CTNNA3: variants seen among roughly 807,000 people sequenced by gnomAD.
CTNNA3 encodes catenin alpha 3, also known as catenin alpha-3.
Under a neutral mutation model 95.7 loss-of-function variants are expected in CTNNA3, and 76 were observed. The ratio of observed to expected loss-of-function variants is 0.79; its 90% CI spans 0.66 to 0.96. The LOEUF (loss-of-function observed/expected upper bound fraction) is 0.96, where lower values mean the gene tolerates loss of function less well. Among genes scored for constraint, CTNNA3 ranks in the 40% least tolerant of loss-of-function variants. The probability of loss-of-function intolerance (pLI) is 0.00; values close to 1 mark genes in which losing one functional copy is unlikely to be tolerated. For missense variants in CTNNA3, 1,191 were observed against 1,089.8 expected, an observed-to-expected ratio of 1.09 and a Z score of -1.31; for synonymous variants, 431 against 374.4, an observed-to-expected ratio of 1.15 and a Z score of -1.74.
intron 11 of CTNNA3, among the ~76,000 whole-genome samples, chr10:66,382,246 A>G (rs570392225): frequency 6.6e-6 from 1 of 152,278 alleles, no homozygotes; most frequent in Non-Finnish European, 1.5e-5. Flanking sequence ...GCTTTTCCCA[A>G]GGTTTTAGCA....
At chr10:67,475,338 G>T (rs1407519818) in intron 5 of CTNNA3, among the ~76,000 whole-genome samples, 2 of 152,132 alleles carry the variant, frequency 1.3e-5, no homozygotes, top group Non-Finnish European at 2.9e-5. Context: ...TTATTGTGGT[G>T]GTAGATACAC....
intron 9 of CTNNA3, among the ~76,000 whole-genome samples, chr10:66,688,798 G>A (rs374105051): frequency 4.0e-5 from 6 of 149,358 alleles, no homozygotes; most frequent in Non-Finnish European, 5.9e-5. Context: ...GGTGAAACCC[G>A]TCTCTACTAA....
At chr10:66,232,704 A>T (rs1035789067) in intron 13 of CTNNA3, among the ~76,000 whole-genome samples, 1 of 152,236 alleles carries the variant, frequency 6.6e-6, no homozygotes, top group Non-Finnish European at 1.5e-5. Flanking sequence ...ATCCAGGAGC[A>T]GAAATAGTGT....
chr10:66,704,789 T>A (rs528307177), intron 9 of CTNNA3, among the ~76,000 whole-genome samples: 64 of 152,300 alleles, frequency 4.2e-4, no homozygotes, highest in African/African-American at 1.5e-3. Context: ...GCTCAACCTG[T>A]ACTAGTAGAT....
chr10:66,567,230 T>C (rs957636126), intron 10 of CTNNA3, among the ~76,000 whole-genome samples: 1 of 151,820 alleles, frequency 6.6e-6, no homozygotes, highest in African/African-American at 2.4e-5. Flanking sequence ...GAAGGTGCAA[T>C]GACAGAGGAT....
chr10:66,532,078 T>A (rs1841484705), intron 10 of CTNNA3, among the ~76,000 whole-genome samples: 1 of 152,162 alleles, frequency 6.6e-6, no homozygotes. Context: ...TAATGTACCA[T>A]CCAATTTCAT....
At chr10:66,090,205 C>G (rs1445858481) in intron 14 of CTNNA3, among the ~76,000 whole-genome samples, 1 of 151,930 alleles carries the variant, frequency 6.6e-6, no homozygotes, top group Non-Finnish European at 1.5e-5. Context: ...GAAAGAATCC[C>G]ATGTAAAGGA....
chr10:67,546,250 G>A (rs1203490310), intron 3 of CTNNA3, among the ~76,000 whole-genome samples: 1 of 151,986 alleles, frequency 6.6e-6, no homozygotes, highest in Non-Finnish European at 1.5e-5. Flanking sequence ...TCCTGCCTCA[G>A]CCTTCCAAGG....
chr10:66,525,767 A>C (rs2660045), intron 10 of CTNNA3, among the ~76,000 whole-genome samples: 97,498 of 151,930 alleles, frequency 0.64, 32,026 homozygotes, highest in Middle Eastern at 0.75. Context: ...TTTTTAGCAC[A>C]TCAAACTGAA....
intron 15 of CTNNA3, among the ~76,000 whole-genome samples, chr10:66,026,702 T>C (rs951969239): frequency 1.3e-5 from 2 of 152,188 alleles, no homozygotes; most frequent in Non-Finnish European, 2.9e-5. Context: ...ATCTGGGTCA[T>C]TTATTAACAA....
intron 6 of CTNNA3, among the ~76,000 whole-genome samples, chr10:67,200,776 A>C (rs1863609264): frequency 6.6e-6 from 1 of 152,188 alleles, no homozygotes; most frequent in African/African-American, 2.4e-5. Context: ...TTTCACAAAA[A>C]CAACTGTAAT....
rs866450073 is a variant in CTNNA3 at position 65,966,645 on chromosome 10, G to T, written c.2367C>A (p.Ile789=). 1 of 1,613,744 alleles carries T rather than the reference G, an allele frequency of 6.2e-7. No individual in the cohort carries two copies. Among genetic ancestry groups the T allele is most frequent in the Admixed American group, 1.7e-5 (1 of 59,984 alleles). The change falls in exon 17 of 18, where the codon ATC becomes ATA. Residue 789 remains isoleucine (I), a synonymous_variant. Transcript: ENST00000433211. ...TGATGAGCTCTCCTCCCAGGTTCTGGATCTCAGCTTTAACTTGACTGCAGA... is the reference window on the plus strand; with the variant it reads ...TGATGAGCTCTCCTCCCAGGTTCTGTATCTCAGCTTTAACTTGACTGCAGA... ...LKICSQVKAE[I]QNLGGELIMS...
At chr10:67,749,925 G>A (rs190086997) in intron 1 of CTNNA3, among the ~76,000 whole-genome samples, 3 of 152,054 alleles carry the variant, frequency 2.0e-5, no homozygotes, top group Non-Finnish European at 4.4e-5. Flanking sequence ...TGGGCAACCC[G>A]CTTGGGTCCC....
At chr10:67,327,161 T>C (rs1013426561) in intron 5 of CTNNA3, among the ~76,000 whole-genome samples, 3 of 152,200 alleles carry the variant, frequency 2.0e-5, no homozygotes, top group Non-Finnish European at 4.4e-5. Context: ...TTGGATTGGG[T>C]TTCAAAATAC....
chr10:66,243,038 C>T (rs1354635949), intron 13 of CTNNA3, among the ~76,000 whole-genome samples: 1 of 152,050 alleles, frequency 6.6e-6, no homozygotes, highest in Non-Finnish European at 1.5e-5. Flanking sequence ...TAGTTCAGGC[C>T]ATCATGGGAA....
At chr10:67,321,992 T>C (rs560125475) in intron 5 of CTNNA3, among the ~76,000 whole-genome samples, 2 of 152,214 alleles carry the variant, frequency 1.3e-5, no homozygotes, top group South Asian at 2.1e-4. Context: ...GCCTAGTGTG[T>C]GCGCCACACA....
chr10:67,308,764 AT>A (rs1446300069), intron 5 of CTNNA3, among the ~76,000 whole-genome samples: 1 of 152,208 alleles, frequency 6.6e-6, no homozygotes, highest in Non-Finnish European at 1.5e-5. Flanking sequence ...TCAATCCCTC[AT>A]TTGAAAGTTA....
At chr10:67,541,931 C>A (rs937140437) in intron 3 of CTNNA3, among the ~76,000 whole-genome samples, 1 of 152,016 alleles carries the variant, frequency 6.6e-6, no homozygotes, top group African/African-American at 2.4e-5. Context: ...TTTGACTTCA[C>A]ATACTAAAAC....
At chr10:66,280,767 A>T (rs1340082239) in intron 12 of CTNNA3, 146 bp from the exon 13 acceptor site, 3 of 563,610 alleles carry the variant, frequency 5.3e-6, no homozygotes, top group Non-Finnish European at 8.7e-6. Flanking sequence ...GAGATACACA[A>T]ATTTTAGCAG....
Sources: gnomAD v4.1 joint callset for allele counts (sites outside exome capture counted in the v4.1 genomes callset) on GRCh38, gnomAD v4.1.1 for gene constraint, MANE v1.5 for transcripts, NCBI Gene and HGNC (gene_info 2026-07-23, HGNC 2026-07-21) for gene names.